The following PABPC4L variants were observed in gnomAD, a reference collection of about 807,000 sequenced individuals.
PABPC4L encodes polyadenylate-binding protein 4-like.
For synonymous variants in PABPC4L, 169 were observed against 164.1 expected, an observed-to-expected ratio of 1.03 and a Z score of -0.23; for missense variants, 452 against 451.4, an observed-to-expected ratio of 1.00 and a Z score of -0.01.
At chr4:133,972,799 T>C in the PABPC4L span, among the ~76,000 whole-genome samples, 1 of 152,182 alleles carries the variant, frequency 6.6e-6, no homozygotes, top group Non-Finnish European at 1.5e-5. Context: ...ACATAATAAA[T>C]ATGCACTGGG....
chr4:134,149,521 T>C, the PABPC4L span, among the ~76,000 whole-genome samples: 1 of 152,110 alleles, frequency 6.6e-6, no homozygotes, highest in African/African-American at 2.4e-5. Flanking sequence ...GATTAGCAGA[T>C]AGGGGTTGCA....
the PABPC4L span, among the ~76,000 whole-genome samples, chr4:134,050,443 G>T: frequency 2.0e-5 from 3 of 152,018 alleles, no homozygotes; most frequent in East Asian, 1.9e-4. Context: ...AGTGGCTCAC[G>T]CCTGTAATCC....
chr4:134,189,757 T>C, the PABPC4L span, among the ~76,000 whole-genome samples: 15 of 152,134 alleles, frequency 9.9e-5, no homozygotes, highest in African/African-American at 3.4e-4. Context: ...TTTTTCTTTT[T>C]GTTGGTTTTG....
chr4:133,989,131 G>A, the PABPC4L span, among the ~76,000 whole-genome samples: 6 of 151,944 alleles, frequency 3.9e-5, no homozygotes, highest in African/African-American at 1.5e-4. Context: ...AGGCCTCTAG[G>A]GCTGTGATAG....
At chr4:134,002,132 A>T in the PABPC4L span, among the ~76,000 whole-genome samples, 1 of 151,932 alleles carries the variant, frequency 6.6e-6, no homozygotes, top group Non-Finnish European at 1.5e-5. Flanking sequence ...ATAATTTTTA[A>T]AGTAAGATAT....
At chr4:133,978,485 G>A in the PABPC4L span, among the ~76,000 whole-genome samples, 7 of 152,006 alleles carry the variant, frequency 4.6e-5, no homozygotes, top group African/African-American at 1.5e-4. Context: ...ATGTAATTGC[G>A]TGCACCTGTG....
the PABPC4L span, among the ~76,000 whole-genome samples, chr4:134,071,051 C>T: frequency 9.9e-5 from 15 of 152,130 alleles, no homozygotes; most frequent in African/African-American, 3.4e-4. Context: ...ACTGTTCCTG[C>T]CACCTCTCTA....
rs1729783245 is a variant in PABPC4L at position 134,199,726 on chromosome 4, C to T, written c.*181G>A. ...GTGCCTCTGTAAAATGAACTAAGCTCCATCTATTTTTCCACAAAAGAAAAA... is the reference window on the plus strand; with the variant it reads ...GTGCCTCTGTAAAATGAACTAAGCTTCATCTATTTTTCCACAAAAGAAAAA... On this transcript the variant is annotated 3_prime_UTR_variant, in exon 2 of 2. Coordinates refer to ENST00000421491, the MANE Select transcript of PABPC4L (RefSeq NM_001114734.2). 1.5e-6 allele frequency: 1 copy of T among 689,206 alleles called. No homozygotes were observed. Among genetic ancestry groups the T allele is most frequent in the Non-Finnish European group, 2.3e-6 (1 of 436,052 alleles). The allele number at this position is 689,206 out of a possible 1,614,324, so 42.7% of individuals were successfully genotyped here.
chr4:134,066,086 G>A, the PABPC4L span, among the ~76,000 whole-genome samples: 2 of 151,948 alleles, frequency 1.3e-5, no homozygotes, highest in African/African-American at 4.8e-5. Context: ...TTTGGTATTA[G>A]GGCTCTTTTT....
the PABPC4L span, among the ~76,000 whole-genome samples, chr4:133,991,733 C>A: frequency 1.3e-5 from 2 of 152,098 alleles, no homozygotes; most frequent in Non-Finnish European, 1.5e-5. Flanking sequence ...AGCAGAGGAA[C>A]CTTGCCAGTT....
chr4:133,956,315 A>T, the PABPC4L span, among the ~76,000 whole-genome samples: 2 of 152,226 alleles, frequency 1.3e-5, no homozygotes, highest in Non-Finnish European at 2.9e-5. Context: ...TTTTGAAGAA[A>T]CAAGTGTTAA....
At chr4:134,103,281 T>C in the PABPC4L span, among the ~76,000 whole-genome samples, 1 of 151,656 alleles carries the variant, frequency 6.6e-6, no homozygotes, top group Non-Finnish European at 1.5e-5. Flanking sequence ...TCCCAAAATA[T>C]TTTTTGCAGT....
At chr4:134,153,950 G>T in the PABPC4L span, among the ~76,000 whole-genome samples, 5 of 150,604 alleles carry the variant, frequency 3.3e-5, no homozygotes, top group African/African-American at 1.2e-4. Flanking sequence ...ATTAGGAGAG[G>T]ATTTTAACAT....
At chr4:134,055,692 T>C in the PABPC4L span, among the ~76,000 whole-genome samples, 7 of 151,544 alleles carry the variant, frequency 4.6e-5, no homozygotes, top group African/African-American at 1.7e-4. Flanking sequence ...ATGTTGAGTT[T>C]CAAGAGTTTT....
chr4:134,032,594 G>A, the PABPC4L span, among the ~76,000 whole-genome samples: 1 of 151,860 alleles, frequency 6.6e-6, no homozygotes, highest in East Asian at 1.9e-4. Context: ...CACTATAACA[G>A]TAAAATGAAA....
the PABPC4L span, among the ~76,000 whole-genome samples, chr4:134,173,036 T>A: frequency 6.6e-6 from 1 of 151,426 alleles, no homozygotes; most frequent in Non-Finnish European, 1.5e-5. Context: ...TTAAAACAGC[T>A]TTTATCAAAA....
chr4:134,153,626 A>G, the PABPC4L span, among the ~76,000 whole-genome samples: 7 of 150,918 alleles, frequency 4.6e-5, no homozygotes, highest in Admixed American at 4.6e-4. Flanking sequence ...TTTAAATACA[A>G]GCATATTTAT....
the PABPC4L span, among the ~76,000 whole-genome samples, chr4:134,139,467 G>C: frequency 1.3e-5 from 2 of 151,908 alleles, no homozygotes; most frequent in African/African-American, 4.8e-5. Flanking sequence ...AAGTGAAAAG[G>C]TAGTCACAAA....
the PABPC4L span, among the ~76,000 whole-genome samples, chr4:134,154,178 A>G: frequency 6.6e-6 from 1 of 152,090 alleles, no homozygotes; most frequent in African/African-American, 2.4e-5. Flanking sequence ...AATATTATGA[A>G]ATATTTTTTA....
Sources: allele counts gnomAD v4.1 joint callset (sites outside exome capture counted in the v4.1 genomes callset), GRCh38; gene constraint gnomAD v4.1.1; transcripts MANE v1.5; gene names NCBI Gene and HGNC (gene_info 2026-07-23, HGNC 2026-07-21).